The following CNTNAP3 variants were observed in gnomAD, a reference collection of about 807,000 sequenced individuals.
The protein encoded by CNTNAP3 is contactin associated protein family member 3, also known as contactin-associated protein-like 3.
In CNTNAP3, 36 loss-of-function variants were observed where a neutral mutation model predicts 92.1. The ratio of observed to expected loss-of-function variants is 0.39; its 90% CI spans 0.30 to 0.52. CNTNAP3 has a LOEUF of 0.52. Ranked by LOEUF, CNTNAP3 falls within the 20% of genes least tolerant of loss-of-function variation. The pLI is 0.76. For synonymous variants in CNTNAP3, 232 were observed against 422.3 expected, an observed-to-expected ratio of 0.55 and a Z score of 5.53; for missense variants, 534 against 1,069.6, an observed-to-expected ratio of 0.50 and a Z score of 6.98.
chr9:39,113,728 T>C (rs1165285098), intron 14 of CNTNAP3, among the ~76,000 whole-genome samples: 1 of 152,056 alleles, frequency 6.6e-6, no homozygotes, highest in East Asian at 1.9e-4. Flanking sequence ...TAAAATTTGT[T>C]AAGATTCCAT....
chr9:39,130,500 T>A (rs1821257266), intron 13 of CNTNAP3, among the ~76,000 whole-genome samples: 1 of 135,314 alleles, frequency 7.4e-6, no homozygotes, highest in African/African-American at 2.6e-5. Context: ...GAATTCTTTT[T>A]TTTTTTTTTT....
rs1473088954 is a variant in CNTNAP3, at chr9:39,068,205, C to T, written c.*5685G>A. Reference sequence around the variant, plus strand: ...ATGAGATCCAGAGATCGAGACCATCCTGGCTAACACGGTGAAACCTTGCCT... The same window carrying T: ...ATGAGATCCAGAGATCGAGACCATCTTGGCTAACACGGTGAAACCTTGCCT... On this transcript the variant is annotated 3_prime_UTR_variant, in exon 24 of 24. Coordinates refer to ENST00000297668, the MANE Select transcript of CNTNAP3 (RefSeq NM_033655.5). Among the ~76,000 whole-genome samples the T allele has an allele frequency of 1.4e-4, 21 of 151,906 alleles. No individual in the cohort carries two copies. The East Asian group carries it at 2.2e-3, about 16-fold the overall frequency.
chr9:39,138,734 A>G (rs566946115), intron 12 of CNTNAP3, among the ~76,000 whole-genome samples: 24 of 152,334 alleles, frequency 1.6e-4, no homozygotes, highest in African/African-American at 5.5e-4. Context: ...CACATCGAAC[A>G]TCCAACAATT....
At chr9:39,097,125 T>C (rs543806606) in intron 18 of CNTNAP3, among the ~76,000 whole-genome samples, 3 of 152,286 alleles carry the variant, frequency 2.0e-5, no homozygotes, top group African/African-American at 7.2e-5. Flanking sequence ...CTGACTCTTT[T>C]TTCTTTTCTC....
intron 12 of CNTNAP3, among the ~76,000 whole-genome samples, chr9:39,133,717 G>A (rs1245403747): frequency 6.6e-6 from 1 of 151,786 alleles, no homozygotes; most frequent in African/African-American, 2.4e-5. Flanking sequence ...CTGACTGCCT[G>A]CTGACATCAT....
At chr9:39,137,144 T>C (rs994001649) in intron 12 of CNTNAP3, among the ~76,000 whole-genome samples, 5 of 151,950 alleles carry the variant, frequency 3.3e-5, no homozygotes, top group Admixed American at 2.0e-4. Flanking sequence ...GTTGTGCCAC[T>C]GTACTCAGAT....
rs1825583581 is a variant in CNTNAP3 at position 39,069,248 on chromosome 9, C to T, written c.*4642G>A. 6.6e-6 allele frequency among the ~76,000 whole-genome samples: 1 copy of T among 152,224 alleles called. No homozygotes were observed. ...AGTAATTATCTGTGTAATGTTTTCT[C>T]AAAGCAGTGAAGGCCTTTGTGAATT... On this transcript the variant is annotated 3_prime_UTR_variant, in exon 24 of 24. Transcript: ENST00000297668.
At chr9:39,152,652 C>G (rs1191190259) in intron 9 of CNTNAP3, among the ~76,000 whole-genome samples, 2 of 141,410 alleles carry the variant, frequency 1.4e-5, no homozygotes, top group African/African-American at 5.5e-5. Flanking sequence ...TGACACATAA[C>G]TTAGGTTATC....
chr9:39,088,862 A>G (rs116807939), intron 18 of CNTNAP3, among the ~76,000 whole-genome samples: 37,091 of 118,934 alleles, frequency 0.31, 4,360 homozygotes, highest in East Asian at 0.45. Context: ...TCATAACCCA[A>G]AATTGACTAA....
rs748447249 is a variant in CNTNAP3 at position 39,118,088 on chromosome 9, T to C, written c.2237+15A>G. ...AAAACCACATTTTTGTGCAGGGAAATCATGTGGAAATCACCATTCATTCCG... is the reference window on the plus strand; with the variant it reads ...AAAACCACATTTTTGTGCAGGGAAACCATGTGGAAATCACCATTCATTCCG... On this transcript the variant is annotated intron_variant, in intron 14 of 23. Coordinates refer to ENST00000297668, the MANE Select transcript of CNTNAP3 (RefSeq NM_033655.5). 34 of 1,597,478 alleles carry C rather than the reference T, an allele frequency of 2.1e-5. No individual in the cohort carries two copies. Among genetic ancestry groups the C allele is most frequent in the Non-Finnish European group, 2.7e-5 (32 of 1,172,910 alleles).
At position 39,085,239 on chromosome 9, in the gene CNTNAP3, G is replaced by A. The variant is rs184222715; in HGVS notation, c.3442+497C>T. On this transcript the variant is annotated intron_variant, in intron 21 of 23. Transcript: ENST00000297668. Reference sequence around the variant, plus strand: ...TTTATGAATATGCCTCCCCATTCCTGTTAGATACTAAAGTCAAAAAGGATG... The same window carrying A: ...TTTATGAATATGCCTCCCCATTCCTATTAGATACTAAAGTCAAAAAGGATG... 6.1e-3 allele frequency: 947 copies of A among 155,174 alleles called. 73 individuals are homozygous for A. In the South Asian group the frequency reaches 0.078, roughly 13 times the overall value. The allele number at this position is 155,174 out of a possible 1,614,324, so 9.6% of individuals were successfully genotyped here.
intron 13 of CNTNAP3, among the ~76,000 whole-genome samples, chr9:39,130,435 A>T (rs973169240): frequency 9.9e-5 from 15 of 152,212 alleles, no homozygotes; most frequent in Admixed American, 8.5e-4. Flanking sequence ...CTTGAAATTT[A>T]AAAAAACCCA....
chr9:39,077,346 C>T (rs1024757252), intron 23 of CNTNAP3, among the ~76,000 whole-genome samples: 2 of 151,750 alleles, frequency 1.3e-5, no homozygotes, highest in Non-Finnish European at 2.9e-5. Flanking sequence ...ATCACGAGGT[C>T]AGGAGATCGA....
intron 10 of CNTNAP3, among the ~76,000 whole-genome samples, chr9:39,146,644 G>A (rs148395654): frequency 0.038 from 5,821 of 152,148 alleles, 147 homozygotes; most frequent in Non-Finnish European, 0.06. Flanking sequence ...AGCCGAGATC[G>A]TGCCACTGCA....
chr9:39,125,350 G>A (rs1410252672), intron 13 of CNTNAP3, among the ~76,000 whole-genome samples: 2 of 151,914 alleles, frequency 1.3e-5, no homozygotes, highest in Admixed American at 6.6e-5. Context: ...ACACACTGGG[G>A]CCTGTCATGG....
intron 13 of CNTNAP3, among the ~76,000 whole-genome samples, chr9:39,127,098 CAGAAAG>C (rs1205216630): frequency 2.6e-5 from 4 of 151,604 alleles, no homozygotes; most frequent in East Asian, 3.9e-4. Context: ...AAATCAATAC[CAGAAAG>C]AGAAAAAGAA....
intron 19 of CNTNAP3, among the ~76,000 whole-genome samples, chr9:39,087,401 A>G (rs1826084797): frequency 1.3e-5 from 2 of 152,290 alleles, no homozygotes. Context: ...CTTCTAATAT[A>G]CATACCCCTC....
intron 18 of CNTNAP3, among the ~76,000 whole-genome samples, chr9:39,096,499 A>T (rs1826329077): frequency 6.6e-6 from 1 of 152,018 alleles, no homozygotes; most frequent in Admixed American, 6.6e-5. Flanking sequence ...GTAATGATCA[A>T]ATCAGGGTAA....
At position 39,225,696 on chromosome 9, in the gene CNTNAP3, CA is replaced by C. The variant is rs973832058; in HGVS notation, c.390+13296del. On this transcript the variant is annotated intron_variant, in intron 3 of 23. Transcript: ENST00000297668. ...GTGTATGAAAATGTAAATTTTCCCC[CA>C]GATTGATAAAACATTTTCTGCCTGC... Among the ~76,000 whole-genome samples the C allele has an allele frequency of 7.7e-4, 39 of 50,442 alleles. 4 individuals are homozygous for C. The highest frequency in any genetic ancestry group is 1.2e-3 in the Admixed American group (5 of 4,176). 33.1% of individuals were successfully genotyped at this position (50,442 alleles called of 152,430 possible).
Sources: allele counts gnomAD v4.1 joint callset (sites outside exome capture counted in the v4.1 genomes callset), GRCh38; gene constraint gnomAD v4.1.1; transcripts MANE v1.5; gene names NCBI Gene and HGNC (gene_info 2026-07-23, HGNC 2026-07-21).